The following MBNL1 variants were observed in gnomAD, a reference collection of about 807,000 sequenced individuals.
The protein encoded by MBNL1 is muscleblind-like protein 1.
MBNL1 carries 8 observed loss-of-function variants against 42.2 expected under a neutral mutation model. The observed-to-expected ratio is 0.19, with a 90% CI of 0.11 to 0.34. The LOEUF is 0.34. Ranked by LOEUF, MBNL1 falls within the 10% of genes least tolerant of loss-of-function variation. MBNL1 has a pLI of 1.00. For missense variants in MBNL1, 309 were observed against 495.3 expected (o/e 0.62, Z 3.57); for synonymous variants, 169 against 173.9 (o/e 0.97, Z 0.22).
chr3:152,336,483 ATTAAG>A (rs1403413947), intron 2 of MBNL1, among the ~76,000 whole-genome samples: 1 of 152,238 alleles, frequency 6.6e-6, no homozygotes, highest in Non-Finnish European at 1.5e-5. Context: ...TTTTTAAAAA[ATTAAG>A]TTTAGTTTAA....
intron 1 of MBNL1, among the ~76,000 whole-genome samples, chr3:152,285,554 A>G (rs1198815317): frequency 6.6e-6 from 1 of 152,134 alleles, no homozygotes; most frequent in Non-Finnish European, 1.5e-5. Context: ...CTATTTTTGA[A>G]TAATAGAATG....
chr3:152,386,332 G>GT (rs1290943731), intron 2 of MBNL1, among the ~76,000 whole-genome samples: 1 of 151,938 alleles, frequency 6.6e-6, no homozygotes, highest in East Asian at 1.9e-4. Context: ...CTCTAATTGT[G>GT]TTTTTCACAT....
chr3:152,378,396 T>A (rs951326347), intron 2 of MBNL1, among the ~76,000 whole-genome samples: 1 of 152,162 alleles, frequency 6.6e-6, no homozygotes, highest in Non-Finnish European at 1.5e-5. Flanking sequence ...ATGTACTTTT[T>A]AAAAATATTT....
At chr3:152,363,287 A>C (rs1262526965) in intron 2 of MBNL1, among the ~76,000 whole-genome samples, 1 of 152,082 alleles carries the variant, frequency 6.6e-6, no homozygotes, top group Non-Finnish European at 1.5e-5. Flanking sequence ...CTGTTATGGG[A>C]TTTTATGTGG....
intron 6 of MBNL1, among the ~76,000 whole-genome samples, chr3:152,449,735 T>G (rs930943735): frequency 6.6e-6 from 1 of 152,200 alleles, no homozygotes; most frequent in African/African-American, 2.4e-5. Flanking sequence ...AATTGAAATA[T>G]GCTGAAAATT....
chr3:152,245,536 C>T (rs920229574), intron 2 of MBNL1, among the ~76,000 whole-genome samples: 16 of 152,252 alleles, frequency 1.1e-4, no homozygotes, highest in South Asian at 2.1e-4. Flanking sequence ...GTATTTGAAG[C>T]TTTCTTAATT....
intron 2 of MBNL1, among the ~76,000 whole-genome samples, chr3:152,332,671 C>A (rs1472285984): frequency 6.7e-6 from 1 of 148,326 alleles, no homozygotes; most frequent in Non-Finnish European, 1.5e-5. Context: ...AGAGTATTTT[C>A]TCTTTGAAGT....
chr3:152,369,884 A>G (rs958822914), intron 2 of MBNL1, among the ~76,000 whole-genome samples: 3 of 152,036 alleles, frequency 2.0e-5, no homozygotes, highest in Non-Finnish European at 2.9e-5. Flanking sequence ...TATTGTGTCT[A>G]TTTGATTCTT....
chr3:152,250,402 A>G (rs2034310670), intron 2 of MBNL1, among the ~76,000 whole-genome samples: 1 of 151,662 alleles, frequency 6.6e-6, no homozygotes, highest in Non-Finnish European at 1.5e-5. Context: ...GAGTTCACTC[A>G]TGATTTGGCT....
Position 152,372,692 on chromosome 3 carries a change from C to T in MBNL1, c.175-42249C>T, listed in dbSNP as rs572429245. Reference sequence around the variant, plus strand: ...GGAAGTTTCGTCCCAGAGGGGCACCCGCCAGATGCTAGTGGAGCTCTCCTG... The same window carrying T: ...GGAAGTTTCGTCCCAGAGGGGCACCTGCCAGATGCTAGTGGAGCTCTCCTG... On this transcript the variant is annotated intron_variant, in intron 2 of 9. Transcript: ENST00000324210. Among the ~76,000 whole-genome samples the T allele has an allele frequency of 7.4e-4, 112 of 152,262 alleles. 1 individual carries two copies. Among genetic ancestry groups the T allele is most frequent in the African/African-American group, 2.5e-3 (103 of 41,572 alleles).
intron 3 of MBNL1, among the ~76,000 whole-genome samples, chr3:152,419,478 G>A (rs2098761849): frequency 1.3e-5 from 2 of 152,116 alleles, no homozygotes; most frequent in African/African-American, 4.8e-5. Context: ...AAGGGGTCAG[G>A]GAACTCCCTT....
At chr3:152,409,771 T>A (rs1262197973) in intron 2 of MBNL1, among the ~76,000 whole-genome samples, 1 of 152,214 alleles carries the variant, frequency 6.6e-6, no homozygotes, top group Non-Finnish European at 1.5e-5. Flanking sequence ...ATTGTAATCC[T>A]GCCACATAGT....
chr3:152,368,138 T>G (rs761983659), intron 2 of MBNL1, among the ~76,000 whole-genome samples: 6 of 152,126 alleles, frequency 3.9e-5, no homozygotes, highest in Non-Finnish European at 8.8e-5. Flanking sequence ...GTTTTTATGG[T>G]TTTAGGTCTT....
At chr3:152,450,976 T>G (rs1381219832) in intron 6 of MBNL1, among the ~76,000 whole-genome samples, 1 of 152,222 alleles carries the variant, frequency 6.6e-6, no homozygotes, top group African/African-American at 2.4e-5. Flanking sequence ...TTCCAAAGTT[T>G]GGTTGTTCTG....
chr3:152,275,809 G>A (rs1355159388), intron 1 of MBNL1, among the ~76,000 whole-genome samples: 2 of 151,220 alleles, frequency 1.3e-5, no homozygotes, highest in Non-Finnish European at 2.9e-5. Flanking sequence ...TCTAAAAGTG[G>A]AACTCCTTTG....
chr3:152,418,630 A>G lies in MBNL1; in HGVS notation c.345+3519A>G, dbSNP rs865957247. Among the ~76,000 whole-genome samples the G allele has an allele frequency of 5.8e-4, 84 of 145,486 alleles. No homozygotes were observed. The Middle Eastern group carries it at 0.011, about 20-fold the overall frequency. On this transcript the variant is annotated intron_variant, in intron 3 of 9. Transcript: ENST00000324210. ...CCCTGTCTCTAAAAAAAAAAAAAAA[A>G]AGAGAGAGAGAGAGAGAGATCTCTG...
At chr3:152,314,834 C>T (rs993168352) in intron 2 of MBNL1, among the ~76,000 whole-genome samples, 3 of 152,172 alleles carry the variant, frequency 2.0e-5, no homozygotes, top group African/African-American at 7.2e-5. Context: ...AGAAATAATA[C>T]AGCCTAGTCC....
intron 1 of MBNL1, among the ~76,000 whole-genome samples, chr3:152,286,834 AT>A (rs777487077): frequency 6.6e-6 from 1 of 151,910 alleles, no homozygotes; most frequent in African/African-American, 2.4e-5. Flanking sequence ...GTTGTGAGGG[AT>A]TTTTTTACCA....
rs527904369 is a variant in MBNL1 at position 152,419,543 on chromosome 3, C to T, written c.345+4432C>T. 8.5e-5 allele frequency among the ~76,000 whole-genome samples: 13 copies of T among 152,268 alleles called. No homozygotes were observed. In the South Asian group the frequency reaches 1.9e-3, roughly 22 times the overall value. ...TGCTGTGACGGATGGTGCTGTCCAG[C>T]CCAGATACTACACTTTTCCCATGGT... On this transcript the variant is annotated intron_variant, in intron 3 of 9. Transcript: ENST00000324210.
Sources: allele counts gnomAD v4.1 joint callset (sites outside exome capture counted in the v4.1 genomes callset), GRCh38; gene constraint gnomAD v4.1.1; transcripts MANE v1.5; gene names NCBI Gene and HGNC (gene_info 2026-07-23, HGNC 2026-07-21).